The following SLC35F1 variants were observed in gnomAD, a reference collection of about 807,000 sequenced individuals.
SLC35F1 encodes solute carrier family 35 member F1, also known as chromosome 6 open reading frame 169.
In SLC35F1, 14 loss-of-function variants were observed where a neutral mutation model predicts 48.7. The ratio of observed to expected loss-of-function variants is 0.29; its 90% CI spans 0.19 to 0.45. The LOEUF (loss-of-function observed/expected upper bound fraction) is 0.45. Among genes scored for constraint, SLC35F1 ranks in the 20% least tolerant of loss-of-function variants. SLC35F1 has a pLI of 1.00. For missense variants in SLC35F1, 404 were observed against 500.0 expected (o/e 0.81, Z 1.83); for synonymous variants, 190 against 202.2 (o/e 0.94, Z 0.51).
intron 1 of SLC35F1, among the ~76,000 whole-genome samples, chr6:117,992,464 G>A (rs1025728469): frequency 5.9e-5 from 9 of 151,744 alleles, no homozygotes; most frequent in African/African-American, 1.5e-4. Flanking sequence ...GTCCTTCTTC[G>A]CCTCTTGTCT....
chr6:118,282,227 C>G (rs912750310), intron 6 of SLC35F1, among the ~76,000 whole-genome samples: 1 of 152,182 alleles, frequency 6.6e-6, no homozygotes, highest in Non-Finnish European at 1.5e-5. Context: ...CATTAACTAT[C>G]TAATGTCCAT....
rs956102591 is a variant in SLC35F1, at chr6:117,987,176, G to A, written c.173+79277G>A. ...AGCTATATATGTGCACATCTGCTTC[G>A]GCCCTATCCACTCATCTCTTTGTGC... is the stretch of plus-strand genomic sequence containing the variant. On this transcript the variant is annotated intron_variant, in intron 1 of 7. Transcript: ENST00000360388. Among the ~76,000 whole-genome samples, 3 of 151,954 alleles carry A rather than the reference G, an allele frequency of 2.0e-5. No homozygotes were observed. The South Asian group carries it at 6.2e-4, about 32-fold the overall frequency.
chr6:118,072,826 G>A (rs1256316167), intron 1 of SLC35F1, among the ~76,000 whole-genome samples: 1 of 152,060 alleles, frequency 6.6e-6, no homozygotes, highest in African/African-American at 2.4e-5. Context: ...GAATTCCAGA[G>A]TTTGGTTTCT....
At chr6:118,122,615 G>T (rs1194191821) in intron 1 of SLC35F1, among the ~76,000 whole-genome samples, 5 of 152,170 alleles carry the variant, frequency 3.3e-5, no homozygotes, top group Non-Finnish European at 4.4e-5. Flanking sequence ...TTTAACCAGA[G>T]CTTCCAACAA....
chr6:118,180,037 CCTGT>C (rs1774550788), intron 2 of SLC35F1, among the ~76,000 whole-genome samples: 1 of 152,042 alleles, frequency 6.6e-6, no homozygotes, highest in African/African-American at 2.4e-5. Context: ...GGGAAATGTG[CCTGT>C]CTGAGTTTTG....
At chr6:118,082,105 T>C (rs1772918932) in intron 1 of SLC35F1, among the ~76,000 whole-genome samples, 1 of 152,232 alleles carries the variant, frequency 6.6e-6, no homozygotes, top group East Asian at 1.9e-4. Flanking sequence ...ATGAAATGCT[T>C]ACATAGCTTT....
chr6:118,197,060 T>C (rs900374383), intron 2 of SLC35F1, among the ~76,000 whole-genome samples: 3 of 151,820 alleles, frequency 2.0e-5, no homozygotes, highest in Non-Finnish European at 4.4e-5. Flanking sequence ...ATGATGGGTG[T>C]TAATTTGCCT....
Position 118,107,665 on chromosome 6 carries a change from A to C in SLC35F1, c.174-46780A>C, listed in dbSNP as rs527645273. Reference sequence around the variant, plus strand: ...TTTTCAAATAAAAAAGGCTATCAAAATAATACTGTCCACTTTTGAACTTGT... The same window carrying C: ...TTTTCAAATAAAAAAGGCTATCAAACTAATACTGTCCACTTTTGAACTTGT... On this transcript the variant is annotated intron_variant, in intron 1 of 7. Transcript: ENST00000360388. Among the ~76,000 whole-genome samples, 14 of 152,258 alleles carry C rather than the reference A, an allele frequency of 9.2e-5. 1 individual carries two copies. Among genetic ancestry groups the C allele is most frequent in the African/African-American group, 3.4e-4 (14 of 41,548 alleles).
intron 1 of SLC35F1, among the ~76,000 whole-genome samples, chr6:118,114,862 C>T (rs1211391779): frequency 6.6e-6 from 1 of 152,176 alleles, no homozygotes; most frequent in Non-Finnish European, 1.5e-5. Context: ...GTCTTCTAAT[C>T]AAGCAATGGG....
At chr6:117,981,109 A>C (rs9320622) in intron 1 of SLC35F1, among the ~76,000 whole-genome samples, 61,406 of 151,964 alleles carry the variant, frequency 0.4, 12,763 homozygotes, top group South Asian at 0.54. Context: ...TTCCATGTAA[A>C]AAGGGTATTT....
intron 1 of SLC35F1, among the ~76,000 whole-genome samples, chr6:118,033,846 T>C (rs1772088125): frequency 6.6e-6 from 1 of 152,248 alleles, no homozygotes. Flanking sequence ...TTAGATCTCT[T>C]CTGTGAACCT....
chr6:118,218,104 A>C (rs1312838194), intron 2 of SLC35F1, among the ~76,000 whole-genome samples: 1 of 152,136 alleles, frequency 6.6e-6, no homozygotes, highest in African/African-American at 2.4e-5. Context: ...GGATGAGTCT[A>C]AGTTTCTGTT....
rs115906479 is a variant in SLC35F1 at position 118,316,492 on chromosome 6, C to A, written c.*2240C>A. ...ACATTCCTTTGGTTTGAATAATTTG[C>A]TTGATTTATTGCATTTTTAGTATTT... On this transcript the variant is annotated 3_prime_UTR_variant, in exon 8 of 8. Transcript: ENST00000360388. 6.6e-6 allele frequency: 1 copy of A among 152,544 alleles called. No homozygotes were observed. Among genetic ancestry groups the A allele is most frequent in the Non-Finnish European group, 1.5e-5 (1 of 68,000 alleles). The allele number at this position is 152,544 out of a possible 1,614,324, so 9.4% of individuals were successfully genotyped here.
At chr6:117,937,825 C>T (rs1582573741) in intron 1 of SLC35F1, among the ~76,000 whole-genome samples, 1 of 152,148 alleles carries the variant, frequency 6.6e-6, no homozygotes, top group African/African-American at 2.4e-5. Context: ...TAATTCCCTG[C>T]GAATTTCAGG....
chr6:117,923,683 A>ACATATG lies in SLC35F1; in HGVS notation c.173+15784_173+15785insCATATG, dbSNP rs1562238759. ...TGTATATATACATATATGTACATATATACATATGTACATATACATATATGT... is the reference window on the plus strand; with the variant it reads ...TGTATATATACATATATGTACATATACATATGTACATATGTACATATACATATATGT... On this transcript the variant is annotated intron_variant, in intron 1 of 7. Coordinates refer to ENST00000360388, the MANE Select transcript of SLC35F1 (RefSeq NM_001029858.4). Among the ~76,000 whole-genome samples the ACATATG allele has an allele frequency of 2.9e-4, 2 of 6,996 alleles. 1 individual carries two copies. The highest frequency in any genetic ancestry group is 1.1e-3 in the African/African-American group (2 of 1,886). 4.6% of individuals were successfully genotyped at this position (6,996 alleles called of 152,430 possible).
At chr6:118,016,275 G>A (rs1777321113) in intron 1 of SLC35F1, among the ~76,000 whole-genome samples, 1 of 152,186 alleles carries the variant, frequency 6.6e-6, no homozygotes, top group Non-Finnish European at 1.5e-5. Context: ...CAAGGAGTCA[G>A]CACAGTCTGG....
intron 1 of SLC35F1, among the ~76,000 whole-genome samples, chr6:118,121,882 C>T (rs11965805): frequency 0.34 from 51,825 of 151,934 alleles, 9,656 homozygotes; most frequent in Non-Finnish European, 0.43. Flanking sequence ...TTAATGACAG[C>T]TCAGTTGGGG....
intron 2 of SLC35F1, among the ~76,000 whole-genome samples, chr6:118,174,322 A>C (rs73766448): frequency 0.011 from 1,700 of 152,284 alleles, 40 homozygotes; most frequent in African/African-American, 0.039. Flanking sequence ...CAGTGGGATC[A>C]GTCAACAACA....
intron 1 of SLC35F1, among the ~76,000 whole-genome samples, chr6:118,053,927 A>G (rs1772426420): frequency 1.3e-5 from 2 of 152,196 alleles, no homozygotes; most frequent in Non-Finnish European, 2.9e-5. Flanking sequence ...TAGTTTTTAC[A>G]TTGTTATTAG....
Sources: gnomAD v4.1 joint callset for allele counts (sites outside exome capture counted in the v4.1 genomes callset) on GRCh38, gnomAD v4.1.1 for gene constraint, MANE v1.5 for transcripts, NCBI Gene and HGNC (gene_info 2026-07-23, HGNC 2026-07-21) for gene names.